The following GPLD1 variants were observed in gnomAD, a reference collection of about 807,000 sequenced individuals.
GPLD1 encodes glycosylphosphatidylinositol specific phospholipase D1.
Under a neutral mutation model 112.6 loss-of-function variants are expected in GPLD1, and 84 were observed. The ratio of observed to expected loss-of-function variants is 0.75; its 90% CI spans 0.63 to 0.89. GPLD1 has a LOEUF of 0.89. Ranked by LOEUF, GPLD1 falls within the 40% of genes least tolerant of loss-of-function variation. The pLI is 0.00. For synonymous variants in GPLD1, 386 were observed against 403.8 expected (o/e 0.96, Z 0.53); for missense variants, 1,044 against 1,051.5 (o/e 0.99, Z 0.10).
At chr6:24,459,150 T>A (rs1235453601) in intron 12 of GPLD1, among the ~76,000 whole-genome samples, 2 of 152,204 alleles carry the variant, frequency 1.3e-5, no homozygotes, top group Non-Finnish European at 2.9e-5. Flanking sequence ...CTCTCACTGA[T>A]GAAATACTAT....
In GPLD1 at chr6:24,447,972, G is replaced by T. The variant is rs1163439259; in HGVS notation, c.1583C>A (p.Pro528His). The T allele has an allele frequency of 6.2e-7, 1 of 1,613,658 alleles. No individual in the cohort carries two copies. Among genetic ancestry groups the T allele is most frequent in the East Asian group, 2.2e-5 (1 of 44,854 alleles). ...AAAAGGGGAGCCGATGACCAGATCGGGTTCACTGTCTCCATTCACATCTGC... is the reference window on the plus strand; with the variant it reads ...AAAAGGGGAGCCGATGACCAGATCGTGTTCACTGTCTCCATTCACATCTGC... ...LAADVNGDSE[P>H]DLVIGSPFAP... The change falls in exon 17 of 25, where the codon CCC becomes CAC. Residue 528 changes from proline (P) to histidine (H), a missense_variant. Coordinates refer to ENST00000230036, the MANE Select transcript of GPLD1 (RefSeq NM_001503.4).
intron 20 of GPLD1, among the ~76,000 whole-genome samples, chr6:24,442,245 C>T (rs2753910): frequency 0.51 from 76,952 of 150,290 alleles, 20,547 homozygotes; most frequent in Middle Eastern, 0.63. Flanking sequence ...ACCTCAGCCT[C>T]CTCAGTAGAT....
intron 14 of GPLD1, among the ~76,000 whole-genome samples, chr6:24,451,014 A>T (rs911156043): frequency 6.6e-6 from 1 of 152,160 alleles, no homozygotes; most frequent in Non-Finnish European, 1.5e-5. Flanking sequence ...AATAAATAAA[A>T]ATTCAGTTTT....
rs71002496 is a variant in GPLD1 at position 24,442,422 on chromosome 6, A to ATTTTTTTTTTT, written c.2020+3113_2020+3123dup. Among the ~76,000 whole-genome samples, 5 of 60,638 alleles carry ATTTTTTTTTTT rather than the reference A, an allele frequency of 8.2e-5. 1 individual carries two copies. Among genetic ancestry groups the ATTTTTTTTTTT allele is most frequent in the Admixed American group, 2.6e-4 (1 of 3,816 alleles). 39.8% of individuals were successfully genotyped at this position (60,638 alleles called of 152,430 possible). A position where few individuals can be genotyped will look rare whatever the true frequency, so the allele number is the denominator to read the frequency against. On this transcript the variant is annotated intron_variant, in intron 20 of 24. Coordinates refer to ENST00000230036, the MANE Select transcript of GPLD1 (RefSeq NM_001503.4). ...AGGTGCATGCCACCACATCTGGCTA[A>ATTTTTTTTTTT]TTTTTTTTTTTTTTTTTTTTTTTTT...
intron 15 of GPLD1, 57 bp downstream of exon 15, chr6:24,449,732 C>G (rs1763018927): frequency 8.2e-7 from 1 of 1,219,126 alleles, no homozygotes. Context: ...TGGCCTCCCT[C>G]AGAGTCCCCT....
chr6:24,450,366 T>C (rs1763042436), intron 14 of GPLD1, among the ~76,000 whole-genome samples: 1 of 152,064 alleles, frequency 6.6e-6, no homozygotes, highest in East Asian at 1.9e-4. Flanking sequence ...CCGGGTGTGG[T>C]GGCACATGCC....
intron 20 of GPLD1, among the ~76,000 whole-genome samples, chr6:24,441,673 G>A (rs1301917117): frequency 6.6e-6 from 1 of 152,236 alleles, no homozygotes; most frequent in Non-Finnish European, 1.5e-5. Flanking sequence ...GCCGAGAGAA[G>A]CTAAGTGGTT....
intron 2 of GPLD1, among the ~76,000 whole-genome samples, chr6:24,483,924 G>A (rs891650225): frequency 1.3e-5 from 2 of 151,232 alleles, no homozygotes; most frequent in Non-Finnish European, 2.9e-5. Flanking sequence ...GTTTTGTTTT[G>A]TTTTGAGATG....
intron 24 of GPLD1, among the ~76,000 whole-genome samples, chr6:24,432,860 C>T (rs762187139): frequency 3.9e-5 from 6 of 152,146 alleles, no homozygotes; most frequent in Non-Finnish European, 8.8e-5. Context: ...ACTGCACTGC[C>T]GTTTAAACTT....
chr6:24,446,884 T>C lies in GPLD1; in HGVS notation c.1774A>G (p.Arg592Gly), dbSNP rs773816516. ...YSLHGVTVDN[R>G]TLLLVGSPTW... ...GGGCTCCCAACCAACAGCAAGGTTC[T>C]GTTGTCCACAGTGACACCGTGAAGG... The change falls in exon 18 of 25, where the codon AGA (arginine) becomes GGA (glycine). Residue 592 changes from arginine (R) to glycine (G), a missense_variant. Coordinates refer to ENST00000230036, the MANE Select transcript of GPLD1 (RefSeq NM_001503.4). 6.2e-7 allele frequency: 1 copy of C among 1,614,142 alleles called. No homozygotes were observed. The highest frequency in any genetic ancestry group is 1.1e-5 in the South Asian group (1 of 91,076).
At chr6:24,438,555 A>G (rs892428107) in intron 20 of GPLD1, among the ~76,000 whole-genome samples, 2 of 152,220 alleles carry the variant, frequency 1.3e-5, no homozygotes, top group South Asian at 4.1e-4. Context: ...GAAGCCACTG[A>G]GGGCTCAAAG....
At chr6:24,492,938 T>A (rs1052371216), upstream of GPLD1, among the ~76,000 whole-genome samples, 2 of 152,210 alleles carry the variant, frequency 1.3e-5, no homozygotes, top group African/African-American at 2.4e-5. Context: ...CATATTAATA[T>A]GCCACCTAAA....
chr6:24,461,203 C>T (rs1763422145), intron 11 of GPLD1, among the ~76,000 whole-genome samples: 1 of 152,062 alleles, frequency 6.6e-6, no homozygotes, highest in Admixed American at 6.6e-5. Context: ...CCGTAAGTGA[C>T]GGGGCCCTGG....
At chr6:24,467,358 C>T in intron 7 of GPLD1, 84 bp from the exon 8 acceptor site, 1 of 782,780 alleles carries the variant, frequency 1.3e-6, no homozygotes, top group South Asian at 1.5e-5. Flanking sequence ...ACCAGTTATT[C>T]CGTGATTATT....
rs1234678133 is a variant in GPLD1, at chr6:24,445,548, T to TAC, written c.2016_2017dup (p.Tyr673CysfsTer11). 6.2e-7 allele frequency: 1 copy of TAC among 1,606,502 alleles called. No individual in the cohort carries two copies. The highest frequency in any genetic ancestry group is 8.5e-7 in the Non-Finnish European group (1 of 1,173,184). ...CAGTTTCACAGTGTGTGACCTACCG[T>TAC]ACGTAGGGGCTCCAACCAGCAGCAC... On this transcript the variant is annotated frameshift_variant, in exon 20 of 25. Transcript: ENST00000230036. LOFTEE classifies it high-confidence loss of function.
intron 14 of GPLD1, among the ~76,000 whole-genome samples, chr6:24,453,650 T>A (rs10946701): frequency 0.24 from 35,762 of 151,564 alleles, 4,433 homozygotes; most frequent in Non-Finnish European, 0.27. Flanking sequence ...ATAAATAAAT[T>A]AATTAATTAA....
chr6:24,479,905 A>G lies in GPLD1; in HGVS notation c.208T>C (p.Phe70Leu). The G allele has an allele frequency of 6.2e-7, 1 of 1,610,016 alleles. No individual in the cohort carries two copies. The highest frequency in any genetic ancestry group is 8.5e-7 in the Non-Finnish European group (1 of 1,176,230). Reference sequence around the variant, plus strand: ...CCTCCTTTGCAGATGCTAGGGTAAAAACAATCAGGAAACACGATTCCAGCC... The same window carrying G: ...CCTCCTTTGCAGATGCTAGGGTAAAGACAATCAGGAAACACGATTCCAGCC... ...YQAGIVFPDC[F>L]YPSICKGGKF... is the part of the protein sequence containing the mutation. The change falls in exon 3 of 25, where the codon TTT becomes CTT. Residue 70 changes from phenylalanine to leucine, a missense_variant. By Grantham distance (22) the Phe-to-Leu change is conservative. Coordinates refer to ENST00000230036, the MANE Select transcript of GPLD1 (RefSeq NM_001503.4).
intron 13 of GPLD1, among the ~76,000 whole-genome samples, chr6:24,456,124 C>T (rs539220494): frequency 6.6e-6 from 1 of 152,260 alleles, no homozygotes; most frequent in African/African-American, 2.4e-5. Flanking sequence ...GAGGGCTGGG[C>T]ACAGTGGCTC....
intron 20 of GPLD1, among the ~76,000 whole-genome samples, chr6:24,444,207 G>A (rs9467166): frequency 0.22 from 34,101 of 151,966 alleles, 4,023 homozygotes; most frequent in Non-Finnish European, 0.25. Flanking sequence ...AACTGGAAAC[G>A]AGCCTACAAT....
Sources: allele counts gnomAD v4.1 joint callset (sites outside exome capture counted in the v4.1 genomes callset), GRCh38; gene constraint gnomAD v4.1.1; transcripts MANE v1.5; gene names NCBI Gene and HGNC (gene_info 2026-07-23, HGNC 2026-07-21).